The following CRYBA4 variants were observed in gnomAD, a reference collection of about 807,000 sequenced individuals.
CRYBA4 encodes the protein beta-crystallin A4.
Under a neutral mutation model 31.7 loss-of-function variants are expected in CRYBA4, and 30 were observed. The ratio of observed to expected loss-of-function variants is 0.95; its 90% CI spans 0.71 to 1.28. The LOEUF (loss-of-function observed/expected upper bound fraction) is 1.28. Among genes scored for constraint, CRYBA4 ranks in the 50% most tolerant of loss-of-function variants. The pLI is 0.00. For missense variants in CRYBA4, 225 were observed against 260.7 expected, an observed-to-expected ratio of 0.86 and a Z score of 0.94; for synonymous variants, 102 against 102.3, an observed-to-expected ratio of 1.00 and a Z score of 0.02.
At chr22:26,616,844 C>G in the CRYBA4 span, among the ~76,000 whole-genome samples, 1 of 152,234 alleles carries the variant, frequency 6.6e-6, no homozygotes, top group African/African-American at 2.4e-5. Flanking sequence ...GGGCCCAGCT[C>G]AGGCCCAAAC....
chr22:26,625,766 C>T (rs1929685176), intron 4 of CRYBA4, 144 bp downstream of exon 4: 2 of 784,388 alleles, frequency 2.5e-6, no homozygotes, highest in Non-Finnish European at 4.1e-6. Context: ...CTCTCCAAGC[C>T]TCGGTTTCTT....
the CRYBA4 span, among the ~76,000 whole-genome samples, chr22:26,615,567 G>A: frequency 6.6e-6 from 1 of 151,564 alleles, no homozygotes; most frequent in Non-Finnish European, 1.5e-5. Flanking sequence ...AGGCTGGAGT[G>A]CAGTGGCATG....
chr22:26,591,448 A>T, the CRYBA4 span, among the ~76,000 whole-genome samples: 2 of 138,340 alleles, frequency 1.4e-5, no homozygotes, highest in Admixed American at 7.4e-5. Flanking sequence ...AGCCTGGGCA[A>T]CAAGTGAGAC....
At chr22:26,617,507 C>T (rs186231029), upstream of CRYBA4, among the ~76,000 whole-genome samples, 20 of 152,318 alleles carry the variant, frequency 1.3e-4, no homozygotes, top group Non-Finnish European at 2.1e-4. Flanking sequence ...ATCTGGACCA[C>T]ATCTGTGGCT....
At chr22:26,616,215 G>C in the CRYBA4 span, 1 of 1,614,136 alleles carries the variant, frequency 6.2e-7, no homozygotes, top group Non-Finnish European at 8.5e-7. Context: ...GGGTAGTGCC[G>C]GGACTAGGGG....
chr22:26,611,057 G>A, the CRYBA4 span, among the ~76,000 whole-genome samples: 1 of 152,170 alleles, frequency 6.6e-6, no homozygotes, highest in Admixed American at 6.5e-5. Flanking sequence ...GCCCAAGGAT[G>A]ACTATCCCTG....
At chr22:26,621,184 T>C (rs1347819020), upstream of CRYBA4, among the ~76,000 whole-genome samples, 1 of 152,230 alleles carries the variant, frequency 6.6e-6, no homozygotes, top group Non-Finnish European at 1.5e-5. Flanking sequence ...GTGCCACAGT[T>C]TGCAAAGCAT....
At chr22:26,605,879 A>T in the CRYBA4 span, among the ~76,000 whole-genome samples, 18 of 152,062 alleles carry the variant, frequency 1.2e-4, no homozygotes, top group Non-Finnish European at 1.9e-4. Context: ...CTGGACCAGG[A>T]CTGTGGCAGG....
At chr22:26,599,939 C>T in the CRYBA4 span, among the ~76,000 whole-genome samples, 1 of 152,148 alleles carries the variant, frequency 6.6e-6, no homozygotes, top group African/African-American at 2.4e-5. Context: ...GGAGAATGCA[C>T]CTCAAGTGTT....
In CRYBA4 at chr22:26,623,176, C is replaced by T. The variant is rs1180426566; in HGVS notation, c.40-58C>T. On this transcript the variant is annotated intron_variant, in intron 2 of 5. Coordinates refer to ENST00000354760, the MANE Select transcript of CRYBA4 (RefSeq NM_001886.3). Reference sequence around the variant, plus strand: ...CCAGATCCTGGGGCGAGCCCCCAACCTCTCACCCTTCACGGGACTCTGATG... The same window carrying T: ...CCAGATCCTGGGGCGAGCCCCCAACTTCTCACCCTTCACGGGACTCTGATG... The T allele has an allele frequency of 3.5e-6, 5 of 1,434,042 alleles. No individual in the cohort carries two copies. The East Asian group carries it at 9.1e-5, about 26-fold the overall frequency. 88.8% of individuals were successfully genotyped at this position (1,434,042 alleles called of 1,614,324 possible).
the CRYBA4 span, among the ~76,000 whole-genome samples, chr22:26,610,781 A>G: frequency 6.6e-6 from 1 of 152,122 alleles, no homozygotes; most frequent in African/African-American, 2.4e-5. Flanking sequence ...AGGAGTGGTG[A>G]GGGCCATCCT....
At chr22:26,598,085 G>T in the CRYBA4 span, among the ~76,000 whole-genome samples, 49 of 152,234 alleles carry the variant, frequency 3.2e-4, no homozygotes, top group African/African-American at 1.2e-3. Context: ...GTTTCACCAT[G>T]TTGGCCAGGC....
the CRYBA4 span, among the ~76,000 whole-genome samples, chr22:26,613,419 G>A: frequency 1.3e-5 from 2 of 152,206 alleles, no homozygotes; most frequent in Non-Finnish European, 1.5e-5. Flanking sequence ...GACCCCAAAC[G>A]GAGGAACTGG....
rs370403712 is a variant in CRYBA4, at chr22:26,626,402, T to TCAAAA, written c.300+796_300+800dup. Among the ~76,000 whole-genome samples, 8 of 152,084 alleles carry TCAAAA rather than the reference T, an allele frequency of 5.3e-5. No homozygotes were observed. The East Asian group carries it at 5.8e-4, about 11-fold the overall frequency. ...CTGGGCGCCAGAGCAAGACTCTGTCTCAAAACAAAACAAAACAAAAAAACA... is the reference window on the plus strand; with the variant it reads ...CTGGGCGCCAGAGCAAGACTCTGTCTCAAAACAAAACAAAACAAAACAAAAAAACA... On this transcript the variant is annotated intron_variant, in intron 4 of 5. Coordinates refer to ENST00000354760, the MANE Select transcript of CRYBA4 (RefSeq NM_001886.3).
At chr22:26,616,209 A>G in the CRYBA4 span, 1 of 1,614,044 alleles carries the variant, frequency 6.2e-7, no homozygotes, top group South Asian at 1.1e-5. Flanking sequence ...GGGCCAGGGT[A>G]GTGCCGGGAC....
the CRYBA4 span, chr22:26,616,075 A>G: frequency 3.2e-6 from 4 of 1,254,726 alleles, no homozygotes; most frequent in African/African-American, 3.0e-5. Context: ...GGAGGAGAAG[A>G]AGGAGGAGGA....
rs149551651 is a variant in CRYBA4 at position 26,623,279 on chromosome 22, T to A, written c.85T>A (p.Phe29Ile). The A allele has an allele frequency of 2.0e-5, 32 of 1,613,696 alleles. No individual in the cohort carries two copies. The African/African-American group carries it at 3.9e-4, about 20-fold the overall frequency. ...CGGCTTCCAGGGCCGGCGGCACGAG[T>A]TCACGGCCGAGTGCCCCAGCGTGCT... is the stretch of plus-strand genomic sequence containing the variant. ...EDGFQGRRHE[F>I]TAECPSVLEL... The change falls in exon 3 of 6, where the codon TTC (phenylalanine) becomes ATC (isoleucine). Residue 29 changes from phenylalanine to isoleucine, a missense_variant. Phe to Ile is a conservative substitution (Grantham distance 21). Transcript: ENST00000354760.
the CRYBA4 span, chr22:26,601,797 G>A: frequency 6.2e-7 from 1 of 1,601,624 alleles, no homozygotes; most frequent in African/African-American, 1.3e-5. Flanking sequence ...GGAATCTGAT[G>A]TTATAACCTG....
Position 26,625,505 on chromosome 22 carries a change from C to T in CRYBA4, c.183C>T (p.Gly61=), listed in dbSNP as rs528221409. 2 of 1,613,924 alleles carry T rather than the reference C, an allele frequency of 1.2e-6. No homozygotes were observed. Among genetic ancestry groups the T allele is most frequent in the Non-Finnish European group, 1.7e-6 (2 of 1,180,038 alleles). Reference sequence around the variant, plus strand: ...GGTGGGTGGGCTTTGAGCATGCTGGCTTCCAAGGGCAGCAGTACATTCTGG... The same window carrying T: ...GGTGGGTGGGCTTTGAGCATGCTGGTTTCCAAGGGCAGCAGTACATTCTGG... ...SGAWVGFEHA[G]FQGQQYILER... is the part of the protein sequence containing the mutation. The change falls in exon 4 of 6, where the codon GGC becomes GGT. Residue 61 remains glycine, a synonymous_variant. Transcript: ENST00000354760.
Sources: allele counts gnomAD v4.1 joint callset (sites outside exome capture counted in the v4.1 genomes callset), GRCh38; gene constraint gnomAD v4.1.1; transcripts MANE v1.5; gene names NCBI Gene and HGNC (gene_info 2026-07-23, HGNC 2026-07-21).